The following SEMA5A variants were observed in gnomAD, a reference collection of about 807,000 sequenced individuals.
The protein encoded by SEMA5A is semaphorin-5A.
SEMA5A carries 55 observed loss-of-function variants against 135.5 expected under a neutral mutation model. The ratio of observed to expected loss-of-function variants is 0.41; its 90% confidence interval spans 0.33 to 0.51. The LOEUF is 0.51. Ranked by LOEUF, SEMA5A falls within the 20% of genes least tolerant of loss-of-function variation. The pLI is 0.37. For synonymous variants in SEMA5A, 580 were observed against 546.5 expected (o/e 1.06, Z -0.85); for missense variants, 1,290 against 1,419.9 (o/e 0.91, Z 1.47).
chr5:9,287,495 C>A (rs889403475), intron 5 of SEMA5A, among the ~76,000 whole-genome samples: 1 of 151,936 alleles, frequency 6.6e-6, no homozygotes, highest in African/African-American at 2.4e-5. Flanking sequence ...ATTTAAATGT[C>A]AAAAATATTT....
chr5:9,532,550 A>T (rs1361930511), intron 1 of SEMA5A, among the ~76,000 whole-genome samples: 3 of 151,466 alleles, frequency 2.0e-5, no homozygotes, highest in Non-Finnish European at 4.4e-5. Context: ...GGCCTCCCAA[A>T]GTGCTGGGAT....
At position 9,182,810 on chromosome 5, in the gene SEMA5A, AC is replaced by A. The variant is rs752850713; in HGVS notation, c.1273+7456del. 5.9e-5 allele frequency among the ~76,000 whole-genome samples: 9 copies of A among 151,266 alleles called. 1 individual carries two copies. The highest frequency in any genetic ancestry group is 1.3e-4 in the Admixed American group (2 of 15,140). ...GTACCCCAAACTTTACCCTCCTTCT[AC>A]CCTTTTTGTTATCCTCTGATTAATT... On this transcript the variant is annotated intron_variant, in intron 11 of 22. Coordinates refer to ENST00000382496, the MANE Select transcript of SEMA5A (RefSeq NM_003966.3).
intron 6 of SEMA5A, among the ~76,000 whole-genome samples, chr5:9,231,457 C>A (rs1747624282): frequency 1.1e-5 from 1 of 90,012 alleles, no homozygotes; most frequent in African/African-American, 4.9e-5. Flanking sequence ...CAGAGCAAGA[C>A]TCCATCTCAA....
At chr5:9,421,325 A>G (rs755479706) in intron 2 of SEMA5A, among the ~76,000 whole-genome samples, 27 of 152,232 alleles carry the variant, frequency 1.8e-4, no homozygotes, top group Non-Finnish European at 2.6e-4. Context: ...CACATCTGAG[A>G]CATTCTTACA....
At chr5:9,115,979 A>T (rs766781302) in intron 15 of SEMA5A, among the ~76,000 whole-genome samples, 1 of 152,228 alleles carries the variant, frequency 6.6e-6, no homozygotes, top group Non-Finnish European at 1.5e-5. Context: ...ACCAGGAAGG[A>T]TCGCTTGGCA....
chr5:9,230,127 C>T lies in SEMA5A; in HGVS notation c.334-3160G>A, dbSNP rs1472676774. Among the ~76,000 whole-genome samples, 4 of 149,842 alleles carry T rather than the reference C, an allele frequency of 2.7e-5. No individual in the cohort carries two copies. The East Asian group carries it at 5.9e-4, about 22-fold the overall frequency. ...AGTCTCCCAAGTAGCTCGGATTACA[C>T]GTGTATGCCACCACCCCTGGCTATT... On this transcript the variant is annotated intron_variant, in intron 6 of 22. Transcript: ENST00000382496.
intron 1 of SEMA5A, among the ~76,000 whole-genome samples, chr5:9,467,198 C>T (rs1373474005): frequency 6.6e-6 from 1 of 152,118 alleles, no homozygotes; most frequent in African/African-American, 2.4e-5. Flanking sequence ...CTACAACCTC[C>T]ACCTCCTGGG....
At chr5:9,352,633 G>C (rs1236229746) in intron 3 of SEMA5A, among the ~76,000 whole-genome samples, 1 of 152,092 alleles carries the variant, frequency 6.6e-6, no homozygotes. Context: ...ATTTTACATG[G>C]GATTGTTTAT....
At chr5:9,295,777 G>A (rs1241268399) in intron 5 of SEMA5A, among the ~76,000 whole-genome samples, 1 of 152,100 alleles carries the variant, frequency 6.6e-6, no homozygotes, top group East Asian at 1.9e-4. Context: ...CCATAAAGCT[G>A]GATATAAAAT....
intron 3 of SEMA5A, among the ~76,000 whole-genome samples, chr5:9,341,213 C>CAA (rs1753638123): frequency 6.6e-6 from 1 of 151,236 alleles, no homozygotes; most frequent in African/African-American, 2.4e-5. Context: ...CATACACACA[C>CAA]ACACACACAC....
intron 11 of SEMA5A, among the ~76,000 whole-genome samples, chr5:9,181,115 C>T (rs895985756): frequency 2.0e-5 from 3 of 152,122 alleles, no homozygotes; most frequent in African/African-American, 4.8e-5. Context: ...CCCCCAGGTA[C>T]ATCAGGGCAT....
chr5:9,122,778 C>T lies in SEMA5A; in HGVS notation c.1659G>A (p.Thr553=), dbSNP rs17238053. 1.6e-5 allele frequency: 26 copies of T among 1,612,404 alleles called. No homozygotes were observed. In the African/African-American group the frequency reaches 2.8e-4, roughly 17 times the overall value. The change falls in exon 14 of 23, where the codon ACG becomes ACA. Residue 553 remains threonine, a synonymous_variant. Transcript: ENST00000382496. Reference sequence around the variant, plus strand: ...ATCCCACGGCGCTGCCATCTGTGTGCGTGCAAGGCGTCCACGGAGACCACA... The same window carrying T: ...ATCCCACGGCGCTGCCATCTGTGTGTGTGCAAGGCGTCCACGGAGACCACA... The part of the protein sequence containing the change: ...FGVWSPWTPC[T]HTDGSAVGSC...
chr5:9,524,078 C>T (rs1249211060), intron 1 of SEMA5A, among the ~76,000 whole-genome samples: 1 of 152,060 alleles, frequency 6.6e-6, no homozygotes, highest in Non-Finnish European at 1.5e-5. Context: ...TAGCACCATC[C>T]CCCTAGTGCA....
chr5:9,512,016 A>G (rs1255966792), intron 1 of SEMA5A: 1 of 152,188 alleles, frequency 6.6e-6, no homozygotes, highest in African/African-American at 2.4e-5. Flanking sequence ...CAAAAGAAGA[A>G]AAGTCTTGGA....
At chr5:9,043,254 T>G in intron 22 of SEMA5A, 1 of 391,642 alleles carries the variant, frequency 2.6e-6, no homozygotes, top group Non-Finnish European at 4.5e-6. Context: ...ACTTTAGTTA[T>G]GAAGTTACCA....
At chr5:9,510,020 T>C (rs1412679830) in intron 1 of SEMA5A, among the ~76,000 whole-genome samples, 2 of 152,190 alleles carry the variant, frequency 1.3e-5, no homozygotes, top group South Asian at 2.1e-4. Flanking sequence ...GGGGATAGAA[T>C]GTCTAGGGAA....
chr5:9,385,794 C>CTT (rs5865830), intron 2 of SEMA5A, among the ~76,000 whole-genome samples: 26,215 of 109,838 alleles, frequency 0.24, 4,176 homozygotes, highest in Middle Eastern at 0.32. Context: ...TTGGAAAGCG[C>CTT]TTTTTTTTTT....
chr5:9,259,035 T>C (rs1355817055), intron 5 of SEMA5A, among the ~76,000 whole-genome samples: 3 of 152,156 alleles, frequency 2.0e-5, no homozygotes, highest in African/African-American at 7.2e-5. Context: ...TTGGCGAGGT[T>C]AGTCTGGAAC....
chr5:9,081,277 T>C (rs1738368885), intron 16 of SEMA5A, among the ~76,000 whole-genome samples: 1 of 152,180 alleles, frequency 6.6e-6, no homozygotes, highest in Non-Finnish European at 1.5e-5. Context: ...TGTGAGACAT[T>C]GAGCTGAGGG....
Sources: allele counts gnomAD v4.1 joint callset (sites outside exome capture counted in the v4.1 genomes callset), GRCh38; gene constraint gnomAD v4.1.1; transcripts MANE v1.5; gene names NCBI Gene and HGNC (gene_info 2026-07-23, HGNC 2026-07-21).